Variants in EXOC6 observed in about 807,000 individuals in gnomAD.
EXOC6 encodes the protein SEC15-like 1.
In EXOC6, 60 loss-of-function variants were observed where a neutral mutation model predicts 112.5. The observed-to-expected ratio is 0.53, with a 90% CI of 0.43 to 0.66. The LOEUF (loss-of-function observed/expected upper bound fraction) is 0.66, where lower values mean the gene tolerates loss of function less well. Among genes scored for constraint, EXOC6 ranks in the 30% least tolerant of loss-of-function variants. The pLI is 0.00. For missense variants in EXOC6, 855 were observed against 957.1 expected (o/e 0.89, Z 1.41); for synonymous variants, 295 against 308.0 (o/e 0.96, Z 0.44).
At chr10:93,029,099 C>G (rs1284477997) in intron 20 of EXOC6, among the ~76,000 whole-genome samples, 1 of 152,144 alleles carries the variant, frequency 6.6e-6, no homozygotes, top group East Asian at 1.9e-4. Context: ...CAGCAGCCAT[C>G]CACACTGAGG....
intron 17 of EXOC6, among the ~76,000 whole-genome samples, chr10:92,968,182 CTTTTT>C (rs10593908): frequency 1.5e-5 from 2 of 135,366 alleles, no homozygotes; most frequent in Admixed American, 7.5e-5. Flanking sequence ...AGTGTTTCAC[CTTTTT>C]TTTTTTTTTT....
chr10:92,918,352 C>A (rs146337245), intron 7 of EXOC6, among the ~76,000 whole-genome samples: 3 of 151,362 alleles, frequency 2.0e-5, no homozygotes, highest in African/African-American at 7.3e-5. Context: ...TTGAACCATA[C>A]GACTATGTGC....
intron 18 of EXOC6, among the ~76,000 whole-genome samples, chr10:92,977,945 G>T (rs935384254): frequency 1.3e-5 from 2 of 152,108 alleles, no homozygotes; most frequent in Non-Finnish European, 2.9e-5. Context: ...TCATCTATCT[G>T]TTACGACATT....
chr10:93,042,853 T>A (rs1845842711), intron 20 of EXOC6, among the ~76,000 whole-genome samples: 1 of 152,028 alleles, frequency 6.6e-6, no homozygotes, highest in Non-Finnish European at 1.5e-5. Flanking sequence ...AAGGAAGAGC[T>A]TGATTTTTTT....
At chr10:92,871,583 G>A (rs1848449921) in intron 1 of EXOC6, among the ~76,000 whole-genome samples, 1 of 151,920 alleles carries the variant, frequency 6.6e-6, no homozygotes, top group Admixed American at 6.6e-5. Flanking sequence ...AAGGCTGGAG[G>A]ATCACTTGAG....
chr10:92,886,445 A>G (rs1672412441), intron 1 of EXOC6, among the ~76,000 whole-genome samples: 1 of 152,192 alleles, frequency 6.6e-6, no homozygotes, highest in Non-Finnish European at 1.5e-5. Flanking sequence ...GCAACAGTGC[A>G]CATCAGGGAT....
intron 18 of EXOC6, among the ~76,000 whole-genome samples, chr10:92,994,675 C>G (rs567353747): frequency 6.1e-4 from 92 of 151,958 alleles, no homozygotes; most frequent in Non-Finnish European, 1.1e-3. Context: ...ACTAGAGCGT[C>G]TCTAATGAAA....
chr10:93,024,292 C>A (rs1200345388), intron 20 of EXOC6, among the ~76,000 whole-genome samples: 1 of 152,138 alleles, frequency 6.6e-6, no homozygotes, highest in African/African-American at 2.4e-5. Flanking sequence ...TGTATTGTTA[C>A]CACCCTAGAG....
chr10:93,054,997 A>G (rs537148300), intron 20 of EXOC6, among the ~76,000 whole-genome samples: 151 of 152,300 alleles, frequency 9.9e-4, no homozygotes, highest in African/African-American at 3.6e-3. Context: ...ATAAATGACA[A>G]TCATTCTTTT....
intron 16 of EXOC6, among the ~76,000 whole-genome samples, chr10:92,955,229 A>G (rs1253503830): frequency 2.0e-5 from 3 of 152,140 alleles, no homozygotes; most frequent in African/African-American, 7.2e-5. Context: ...ATAGTAGATA[A>G]AGATGTTAGA....
intron 6 of EXOC6, among the ~76,000 whole-genome samples, chr10:92,910,462 G>A (rs1477637649): frequency 1.3e-5 from 2 of 152,122 alleles, no homozygotes; most frequent in African/African-American, 2.4e-5. Flanking sequence ...ACCTCTGGGT[G>A]GGGAAATTGC....
At chr10:93,032,648 T>A (rs997341602) in intron 20 of EXOC6, among the ~76,000 whole-genome samples, 7 of 152,222 alleles carry the variant, frequency 4.6e-5, no homozygotes, top group African/African-American at 1.4e-4. Context: ...CTTTGGGCAC[T>A]GTTTTAAGTG....
chr10:92,914,603 CAG>C (rs1476783910), intron 6 of EXOC6, among the ~76,000 whole-genome samples: 1 of 152,016 alleles, frequency 6.6e-6, no homozygotes, highest in South Asian at 2.1e-4. Context: ...AGTTTGGGCA[CAG>C]AGGGAAAGGG....
Position 93,056,946 on chromosome 10 carries a change from G to T in EXOC6, c.2192G>T (p.Trp731Leu). The change falls in exon 21 of 22, where the codon TGG (tryptophan) becomes TTG (leucine). Residue 731 changes from tryptophan (W) to leucine (L), a missense_variant. Trp to Leu is a moderately conservative substitution (Grantham distance 61). Coordinates refer to ENST00000260762, the MANE Select transcript of EXOC6 (RefSeq NM_019053.6). Reference sequence around the variant, plus strand: ...CAGCTCCTTGACCTGTTTATGGTTTGGGATTGGTCTACTTACCTAGCTGAT... The same window carrying T: ...CAGCTCCTTGACCTGTTTATGGTTTTGGATTGGTCTACTTACCTAGCTGAT... ...LRQLLDLFMV[W>L]DWSTYLADYG... The T allele has an allele frequency of 6.3e-7, 1 of 1,598,352 alleles. No homozygotes were observed. The highest frequency in any genetic ancestry group is 8.5e-7 in the Non-Finnish European group (1 of 1,174,600).
rs12253892 is a variant in EXOC6, at chr10:92,943,728, T to C, written c.1310+2904T>C. ...CGTACTTATTTTTTTTTTTTAGTGG[T>C]GCAAACATTTAAAATCTACTGTTGG... is the stretch of plus-strand genomic sequence containing the variant. On this transcript the variant is annotated intron_variant, in intron 13 of 21. Transcript: ENST00000260762. 1.6e-3 allele frequency among the ~76,000 whole-genome samples: 238 copies of C among 151,910 alleles called. 1 individual carries two copies. The highest frequency in any genetic ancestry group is 5.6e-3 in the African/African-American group (230 of 41,376).
Position 92,935,854 on chromosome 10 carries a change from A to G in EXOC6, c.1181A>G (p.Asn394Ser), listed in dbSNP as rs773916469. The G allele has an allele frequency of 6.2e-7, 1 of 1,609,140 alleles. No individual in the cohort carries two copies. The highest frequency in any genetic ancestry group is 2.2e-5 in the East Asian group (1 of 44,620). Residue 394 changes from asparagine to serine, a missense_variant, in exon 12 of 22, where the codon AAT (asparagine) becomes AGT (serine). Physicochemically the swap from Asn to Ser is conservative, Grantham distance 46 (BLOSUM62 1). Coordinates refer to ENST00000260762, the MANE Select transcript of EXOC6 (RefSeq NM_019053.6). The part of the protein sequence containing the change: ...TDPDLVLELK[N>S]LTVIFADTLQ... ...CCTGATCTTGTTCTGGAGCTGAAGA[A>G]TCTTACTGTAATATTTGCAGATACT...
intron 8 of EXOC6, among the ~76,000 whole-genome samples, chr10:92,924,790 T>TA (rs1427602854): frequency 6.6e-6 from 1 of 152,172 alleles, no homozygotes; most frequent in Admixed American, 6.5e-5. Context: ...CTGAATAGTG[T>TA]ACATTGTACC....
chr10:92,982,281 G>A (rs187783039), intron 18 of EXOC6, among the ~76,000 whole-genome samples: 9 of 152,136 alleles, frequency 5.9e-5, no homozygotes, highest in African/African-American at 2.2e-4. Flanking sequence ...ATTAACAGGA[G>A]TATTCCTCTG....
At chr10:93,045,780 G>A (rs1362127474) in intron 20 of EXOC6, among the ~76,000 whole-genome samples, 1 of 152,206 alleles carries the variant, frequency 6.6e-6, no homozygotes, top group Non-Finnish European at 1.5e-5. Flanking sequence ...TGCAAGTGTA[G>A]CAGATGATGT....
Sources: allele counts gnomAD v4.1 joint callset (sites outside exome capture counted in the v4.1 genomes callset), GRCh38; gene constraint gnomAD v4.1.1; transcripts MANE v1.5; gene names NCBI Gene and HGNC (gene_info 2026-07-23, HGNC 2026-07-21).